Variants in DNAI3 observed in about 807,000 individuals in gnomAD.
DNAI3 encodes dynein axonemal intermediate chain 3.
Under a neutral mutation model 115.5 loss-of-function variants are expected in DNAI3, and 83 were observed. The ratio of observed to expected loss-of-function variants is 0.72; its 90% CI spans 0.60 to 0.86. The LOEUF (loss-of-function observed/expected upper bound fraction) is 0.86. Among genes scored for constraint, DNAI3 ranks in the 40% least tolerant of loss-of-function variants. The pLI is 0.00. For synonymous variants in DNAI3, 320 were observed against 347.0 expected (o/e 0.92, Z 0.86); for missense variants, 1,004 against 1,075.8 (o/e 0.93, Z 0.93).
At chr1:85,127,000 A>T (rs1571203651) in intron 20 of DNAI3, among the ~76,000 whole-genome samples, 1 of 152,160 alleles carries the variant, frequency 6.6e-6, no homozygotes, top group East Asian at 1.9e-4. Context: ...GACACGTGTC[A>T]GGCAGAGGCT....
chr1:85,120,129 C>CTGTAGA (rs1356125854), intron 17 of DNAI3, among the ~76,000 whole-genome samples: 7 of 152,238 alleles, frequency 4.6e-5, no homozygotes, highest in African/African-American at 1.7e-4. Flanking sequence ...GCTCTTGGCC[C>CTGTAGA]TGTAGATATA....
intron 13 of DNAI3, among the ~76,000 whole-genome samples, chr1:85,102,935 T>C (rs1292407091): frequency 1.3e-5 from 2 of 152,190 alleles, no homozygotes; most frequent in Non-Finnish European, 2.9e-5. Flanking sequence ...AGCACATCTC[T>C]GGGGTCTCTG....
chr1:85,071,640 C>T (rs113983940), intron 1 of DNAI3, among the ~76,000 whole-genome samples: 3 of 152,190 alleles, frequency 2.0e-5, no homozygotes, highest in Admixed American at 6.5e-5. Context: ...AGTCCTCTGT[C>T]GTGCTTCCAT....
chr1:85,120,656 T>A (rs1655970457), intron 17 of DNAI3, among the ~76,000 whole-genome samples: 1 of 152,156 alleles, frequency 6.6e-6, no homozygotes, highest in Non-Finnish European at 1.5e-5. Context: ...CTAAGAACGC[T>A]GGCAAGGACT....
At chr1:85,084,502 T>A in intron 5 of DNAI3, 44 bp from the exon 6 acceptor site, 2 of 1,296,552 alleles carry the variant, frequency 1.5e-6, no homozygotes, top group Non-Finnish European at 2.0e-6. Context: ...AGCTATAACC[T>A]AAACTTGGGC....
intron 1 of DNAI3, among the ~76,000 whole-genome samples, chr1:85,066,651 C>T (rs747279620): frequency 8.2e-4 from 125 of 152,100 alleles, no homozygotes; most frequent in Non-Finnish European, 1.2e-3. Context: ...TTAATAATTA[C>T]AAATTGATTT....
In DNAI3 at chr1:85,131,451, AAAAAAAAAAAAAT is replaced by A. The variant is rs974278607; in HGVS notation, c.2532+1343_2532+1355del. Among the ~76,000 whole-genome samples, 39 of 145,058 alleles carry A rather than the reference AAAAAAAAAAAAAT, an allele frequency of 2.7e-4. 1 individual carries two copies. Among genetic ancestry groups the A allele is most frequent in the Middle Eastern group, 3.5e-3 (1 of 288 alleles). ...AAGAGCGAAACTCCATCTCAAAAAA[AAAAAAAAAAAAAT>A]AAAGCATTAGCATGTGGAAATATTG... On this transcript the variant is annotated intron_variant, in intron 22 of 22. Transcript: ENST00000294664.
chr1:85,116,601 A>C (rs1655824377), intron 16 of DNAI3, among the ~76,000 whole-genome samples: 1 of 152,224 alleles, frequency 6.6e-6, no homozygotes, highest in Non-Finnish European at 1.5e-5. Flanking sequence ...GAAGAATTTG[A>C]AATAAATATT....
intron 16 of DNAI3, 46 bp downstream of exon 16, chr1:85,110,181 G>T: frequency 6.5e-7 from 1 of 1,544,466 alleles, no homozygotes. Flanking sequence ...GCCGGGCGCG[G>T]TGGCTCACGC....
rs200229018 is a variant in DNAI3, at chr1:85,128,713, C to A, written c.2323C>A (p.Gln775Lys). Residue 775 changes from glutamine (Q) to lysine (K), a missense_variant, in exon 21 of 23, where the codon CAG becomes AAG. Transcript: ENST00000294664. ...ATTTATTTTAAAATTTTCAGCTAAA[C>A]AGCAATTTATAGCCACAGCTGATTA... Reference protein sequence around the residue: ...YIKPWIFSSKQQFIATADYYG... With the variant: ...YIKPWIFSSKKQFIATADYYG... 2 of 1,604,638 alleles carry A rather than the reference C, an allele frequency of 1.2e-6. No individual in the cohort carries two copies. The highest frequency in any genetic ancestry group is 1.7e-4 in the Middle Eastern group (1 of 6,018).
At chr1:85,108,320 C>A (rs1655551963) in intron 15 of DNAI3, 143 bp downstream of exon 15, 2 of 874,174 alleles carry the variant, frequency 2.3e-6, no homozygotes, top group Non-Finnish European at 3.2e-6. Context: ...TTTATTCAAC[C>A]AATAAATTCC....
chr1:85,089,965 T>C, intron 7 of DNAI3, 151 bp from the exon 8 acceptor site: 1 of 349,160 alleles, frequency 2.9e-6, no homozygotes, highest in Non-Finnish European at 5.3e-6. Context: ...ATATCAGTTG[T>C]CTAGGATAAA....
chr1:85,110,382 C>G (rs1655618433), intron 16 of DNAI3, among the ~76,000 whole-genome samples: 1 of 151,486 alleles, frequency 6.6e-6, no homozygotes, highest in African/African-American at 2.4e-5. Context: ...ACCCGGGAGG[C>G]AGAGCTTGCA....
intron 14 of DNAI3, among the ~76,000 whole-genome samples, chr1:85,105,704 A>C (rs1655469134): frequency 6.6e-6 from 1 of 152,198 alleles, no homozygotes; most frequent in Admixed American, 6.5e-5. Flanking sequence ...GGAAGAGCTG[A>C]CTTGGGCCTT....
At chr1:85,091,289 A>G (rs1009269033) in intron 8 of DNAI3, among the ~76,000 whole-genome samples, 2 of 152,208 alleles carry the variant, frequency 1.3e-5, no homozygotes, top group Non-Finnish European at 2.9e-5. Flanking sequence ...TGAGGGAATA[A>G]AAAAATGTTC....
chr1:85,127,068 C>A (rs1041460030), intron 20 of DNAI3, among the ~76,000 whole-genome samples: 1 of 152,094 alleles, frequency 6.6e-6, no homozygotes, highest in African/African-American at 2.4e-5. Flanking sequence ...CAGGATGACC[C>A]GGATCTTTGT....
chr1:85,078,306 T>G (rs1438599696), intron 3 of DNAI3, among the ~76,000 whole-genome samples: 1 of 152,222 alleles, frequency 6.6e-6, no homozygotes, highest in Admixed American at 6.5e-5. Context: ...GAGACAAATA[T>G]AGTAACCACC....
At chr1:85,109,090 C>T (rs1030863768) in intron 15 of DNAI3, among the ~76,000 whole-genome samples, 1 of 152,076 alleles carries the variant, frequency 6.6e-6, no homozygotes, top group Middle Eastern at 3.2e-3. Context: ...TACCTATGAC[C>T]AAACAGAACT....
At chr1:85,126,435 A>G (rs748864487) in intron 19 of DNAI3, 76 bp from the exon 20 acceptor site, 108 of 1,451,034 alleles carry the variant, frequency 7.4e-5, no homozygotes, top group Non-Finnish European at 9.3e-5. Flanking sequence ...AGTTGTACTT[A>G]ATGAACAGCA....
Sources: allele counts gnomAD v4.1 joint callset (sites outside exome capture counted in the v4.1 genomes callset), GRCh38; gene constraint gnomAD v4.1.1; transcripts MANE v1.5; gene names NCBI Gene and HGNC (gene_info 2026-07-23, HGNC 2026-07-21).